Variants in INSR observed in about 807,000 individuals in gnomAD.
INSR encodes IR.
Under a neutral mutation model 142.6 loss-of-function variants are expected in INSR, and 67 were observed. That is an observed-to-expected ratio of 0.47 (90% CI 0.39 to 0.58). The LOEUF (loss-of-function observed/expected upper bound fraction) is 0.58. Ranked by LOEUF, INSR falls within the 20% of genes least tolerant of loss-of-function variation. The pLI is 0.00. For synonymous variants in INSR, 756 were observed against 743.1 expected (o/e 1.02, Z -0.28); for missense variants, 1,248 against 1,833.2 (o/e 0.68, Z 5.83).
chr19:7,146,693 G>A (rs1243314461), intron 11 of INSR, among the ~76,000 whole-genome samples: 1 of 152,026 alleles, frequency 6.6e-6, no homozygotes, highest in Non-Finnish European at 1.5e-5. Context: ...AAACTCTCTG[G>A]GCCAAGGGAC....
intron 13 of INSR, among the ~76,000 whole-genome samples, chr19:7,134,276 T>C (rs191409650): frequency 1.3e-5 from 2 of 152,364 alleles, no homozygotes; most frequent in East Asian, 3.9e-4. Flanking sequence ...TTTTGCCATG[T>C]ATCCAGCAAA....
rs751821207 is a variant in INSR at position 7,120,603 on chromosome 19, A to G, written c.3659+17T>C. ...ATTCAAGCCCAGCGTCCATCCACCC[A>G]TCCACACACAACTCACCACATGTCA... is the stretch of plus-strand genomic sequence containing the variant. On this transcript the variant is annotated intron_variant, in intron 20 of 21. Coordinates refer to ENST00000302850, the MANE Select transcript of INSR (RefSeq NM_000208.4). 4.7e-5 allele frequency: 76 copies of G among 1,613,658 alleles called. No individual in the cohort carries two copies. In the East Asian group the frequency reaches 1.7e-3, roughly 35 times the overall value.
At chr19:7,130,547 T>G (rs746698683) in intron 14 of INSR, among the ~76,000 whole-genome samples, 1 of 152,164 alleles carries the variant, frequency 6.6e-6, no homozygotes, top group Non-Finnish European at 1.5e-5. Context: ...GTATAATAAG[T>G]GGGTTCTCAT....
At chr19:7,189,880 T>A (rs1460230743) in intron 2 of INSR, among the ~76,000 whole-genome samples, 1 of 152,044 alleles carries the variant, frequency 6.6e-6, no homozygotes, top group Non-Finnish European at 1.5e-5. Context: ...GCCAGTCTGG[T>A]CTTGAACTCC....
At chr19:7,136,376 C>T (rs1372699676) in intron 13 of INSR, among the ~76,000 whole-genome samples, 2 of 152,144 alleles carry the variant, frequency 1.3e-5, no homozygotes, top group East Asian at 3.8e-4. Flanking sequence ...CTGTGTCCAA[C>T]TTGTCCCCAT....
chr19:7,262,603 C>T (rs1034392284), intron 2 of INSR, among the ~76,000 whole-genome samples: 2 of 152,178 alleles, frequency 1.3e-5, no homozygotes, highest in Non-Finnish European at 2.9e-5. Flanking sequence ...ACCAAGTGCC[C>T]GTAGATGGAT....
At chr19:7,238,962 C>A (rs1291008444) in intron 2 of INSR, among the ~76,000 whole-genome samples, 11 of 77,884 alleles carry the variant, frequency 1.4e-4, no homozygotes, top group African/African-American at 2.9e-4. Flanking sequence ...GATGAATTCT[C>A]AAAAAAAAAA....
chr19:7,206,384 T>C (rs1448405420), intron 2 of INSR, among the ~76,000 whole-genome samples: 1 of 152,074 alleles, frequency 6.6e-6, no homozygotes, highest in East Asian at 1.9e-4. Flanking sequence ...TGTTGCCCAG[T>C]CTAGTTTCAA....
In INSR at chr19:7,150,397, CAAA is replaced by C; in HGVS notation, c.2267+97_2267+99del. The stretch of plus-strand genomic sequence containing the variant: ...CTCCAGCACAGCTGCCCGCCGCATG[CAAA>C]AAGCCACAGAAACCCCTGGGTTCTC... On this transcript the variant is annotated intron_variant, in intron 11 of 21. Transcript: ENST00000302850. The surrounding 1 kb of genome is among the most constrained non-coding windows in gnomAD (Gnocchi z 4.2). The C allele has an allele frequency of 9.2e-7, 1 of 1,090,188 alleles. No individual in the cohort carries two copies. The highest frequency in any genetic ancestry group is 2.4e-5 in the East Asian group (1 of 42,022). The allele number at this position is 1,090,188 out of a possible 1,614,324, so 67.5% of individuals were successfully genotyped here.
intron 3 of INSR, among the ~76,000 whole-genome samples, chr19:7,178,025 A>C (rs1335017859): frequency 6.6e-6 from 1 of 152,046 alleles, no homozygotes; most frequent in Non-Finnish European, 1.5e-5. Context: ...CCGTTGCTAC[A>C]AGGGTCATTT....
chr19:7,145,351 G>A (rs972469651), intron 11 of INSR, among the ~76,000 whole-genome samples: 3 of 151,906 alleles, frequency 2.0e-5, no homozygotes, highest in Admixed American at 2.0e-4. Flanking sequence ...TATGAGTTGT[G>A]CTAAGGTTTT....
At chr19:7,240,342 G>T (rs1422745398) in intron 2 of INSR, among the ~76,000 whole-genome samples, 2 of 151,642 alleles carry the variant, frequency 1.3e-5, no homozygotes, top group Admixed American at 1.3e-4. Context: ...CAGCACTTTG[G>T]GAGGCTGAGG....
rs368279043 is a variant in INSR, at chr19:7,117,287, G to A, written c.3918C>T (p.Ser1306=). 6.9e-5 allele frequency: 111 copies of A among 1,613,998 alleles called. No homozygotes were observed. The highest frequency in any genetic ancestry group is 8.9e-5 in the Non-Finnish European group (105 of 1,180,012). The change falls in exon 22 of 22, where the codon AGC becomes AGT. Residue 1306 remains serine, a synonymous_variant. Transcript: ENST00000302850. ...CACTCTCGGGAGCCTTGTTCTCCTCGCTGTGGAAGAACGACACCTCTGGAA... is the reference window on the plus strand; with the variant it reads ...CACTCTCGGGAGCCTTGTTCTCCTCACTGTGGAAGAACGACACCTCTGGAA... The part of the protein sequence containing the change: ...PSFPEVSFFH[S]EENKAPESEE...
chr19:7,278,691 T>A (rs1047836971), intron 1 of INSR, among the ~76,000 whole-genome samples: 1 of 152,032 alleles, frequency 6.6e-6, no homozygotes, highest in African/African-American at 2.4e-5. Flanking sequence ...AAACCCCATG[T>A]CTACTAAAAA....
chr19:7,255,534 TTC>T (rs1300424778), intron 2 of INSR, among the ~76,000 whole-genome samples: 2 of 150,042 alleles, frequency 1.3e-5, no homozygotes, highest in East Asian at 1.9e-4. Context: ...GTCTTGTCTT[TTC>T]TCTTTCTTTC....
chr19:7,192,482 G>A lies in INSR; in HGVS notation c.653-7845C>T, dbSNP rs1267650938. On this transcript the variant is annotated intron_variant, in intron 2 of 21. Transcript: ENST00000302850. This position sits in a 1 kb window ranked among gnomAD's most constrained non-coding sequence, Gnocchi z 4.2. ...GGACGGGGTTGACTTTCCTCTCCCT[G>A]TGCCCCTGACCTGATCCCCCTCATT... Among the ~76,000 whole-genome samples the A allele has an allele frequency of 6.6e-6, 1 of 152,054 alleles. No homozygotes were observed. Among genetic ancestry groups the A allele is most frequent in the Admixed American group, 6.6e-5 (1 of 15,250 alleles).
At chr19:7,268,636 T>C (rs1967814434) in intron 1 of INSR, 1 of 981,816 alleles carries the variant, frequency 1.0e-6, no homozygotes, top group South Asian at 4.7e-5. Flanking sequence ...CTCTGTAACA[T>C]GGCTTATATG....
chr19:7,210,470 G>C (rs182500147), intron 2 of INSR, among the ~76,000 whole-genome samples: 102 of 152,108 alleles, frequency 6.7e-4, no homozygotes, highest in African/African-American at 2.4e-3. Flanking sequence ...AGAAAATATG[G>C]GTTCTGGAGT....
chr19:7,116,988 C>T lies in INSR; in HGVS notation c.*68G>A. On this transcript the variant is annotated 3_prime_UTR_variant, in exon 22 of 22. Transcript: ENST00000302850. ...AGAGTCGTGAGAATCCTGAGTTTTC[C>T]AGAGGCTTTCAAACCAGAGGAAAGC... 2 of 1,208,518 alleles carry T rather than the reference C, an allele frequency of 1.7e-6. No individual in the cohort carries two copies. The highest frequency in any genetic ancestry group is 2.5e-6 in the Non-Finnish European group (2 of 810,052). 74.9% of individuals were successfully genotyped at this position (1,208,518 alleles called of 1,614,324 possible). A position where few individuals can be genotyped will look rare whatever the true frequency, so the allele number is the denominator to read the frequency against.
Sources: allele counts gnomAD v4.1 joint callset (sites outside exome capture counted in the v4.1 genomes callset), GRCh38; gene constraint gnomAD v4.1.1; non-coding constraint Gnocchi (gnomAD v3.1); transcripts MANE v1.5; gene names NCBI Gene and HGNC (gene_info 2026-07-23, HGNC 2026-07-21).